The following NRXN3 variants were observed in gnomAD, a reference collection of about 807,000 sequenced individuals.
NRXN3 encodes neurexin 3, also known as neurexin III.
In NRXN3, 32 loss-of-function variants were observed where a neutral mutation model predicts 137.6. The ratio of observed to expected loss-of-function variants is 0.23; its 90% CI spans 0.18 to 0.31. The LOEUF is 0.31. Ranked by LOEUF, NRXN3 falls within the 10% of genes least tolerant of loss-of-function variation. NRXN3 has a pLI of 1.00. For missense variants in NRXN3, 1,574 were observed against 2,062.5 expected (o/e 0.76, Z 4.59); for synonymous variants, 798 against 784.5 (o/e 1.02, Z -0.29).
chr14:78,260,841 A>G (rs955505512), intron 2 of NRXN3, among the ~76,000 whole-genome samples: 2 of 152,208 alleles, frequency 1.3e-5, no homozygotes, highest in Non-Finnish European at 1.5e-5. Flanking sequence ...GCAGCTTAAG[A>G]GTAGACTAAT....
At chr14:78,980,253 A>G (rs990183677) in intron 14 of NRXN3, among the ~76,000 whole-genome samples, 3 of 152,216 alleles carry the variant, frequency 2.0e-5, no homozygotes, top group African/African-American at 7.2e-5. Flanking sequence ...CAAACTTGAT[A>G]TGGCCTCCAG....
At chr14:79,306,697 T>C (rs1032738919) in intron 15 of NRXN3, among the ~76,000 whole-genome samples, 2 of 152,092 alleles carry the variant, frequency 1.3e-5, no homozygotes, top group Non-Finnish European at 2.9e-5. Context: ...CACTCAGCCC[T>C]GACACCTAGT....
chr14:79,390,440 T>C (rs2094808029), intron 15 of NRXN3, among the ~76,000 whole-genome samples: 1 of 152,198 alleles, frequency 6.6e-6, no homozygotes, highest in East Asian at 1.9e-4. Context: ...TTTCTGCTGC[T>C]ACAGTGTAAG....
chr14:78,967,959 A>G (rs1012440976), intron 13 of NRXN3, among the ~76,000 whole-genome samples: 1 of 149,100 alleles, frequency 6.7e-6, no homozygotes, highest in Non-Finnish European at 1.5e-5. Context: ...AATTTTTGAG[A>G]TGGTATATAT....
chr14:79,633,325 T>C (rs1055449991), intron 16 of NRXN3: 1 of 152,166 alleles, frequency 6.6e-6, no homozygotes, highest in Non-Finnish European at 1.5e-5. Flanking sequence ...CAGACTTCCC[T>C]ATGAGCTGTT....
At chr14:78,566,750 T>C (rs2096840187) in intron 4 of NRXN3, among the ~76,000 whole-genome samples, 1 of 152,314 alleles carries the variant, frequency 6.6e-6, no homozygotes, top group Non-Finnish European at 1.5e-5. Flanking sequence ...GTTGCTGCCC[T>C]CTGCTGGGAA....
At chr14:78,895,057 T>G (rs1210623689) in intron 10 of NRXN3, among the ~76,000 whole-genome samples, 4 of 151,750 alleles carry the variant, frequency 2.6e-5, no homozygotes, top group Non-Finnish European at 5.9e-5. Context: ...ATTTTTTGAA[T>G]GGTATATAAG....
At chr14:79,351,839 G>C (rs2093223040) in intron 15 of NRXN3, among the ~76,000 whole-genome samples, 1 of 152,130 alleles carries the variant, frequency 6.6e-6, no homozygotes, top group Non-Finnish European at 1.5e-5. Flanking sequence ...AAAGGCATTG[G>C]TGTCTCACTA....
At chr14:78,429,330 CG>C (rs1345148022) in intron 4 of NRXN3, among the ~76,000 whole-genome samples, 2 of 152,068 alleles carry the variant, frequency 1.3e-5, no homozygotes, top group East Asian at 3.9e-4. Flanking sequence ...CCACCCGCCT[CG>C]GCCTCCCAAA....
At chr14:79,094,650 A>AATATGGG (rs2049899258) in intron 15 of NRXN3, among the ~76,000 whole-genome samples, 1 of 152,152 alleles carries the variant, frequency 6.6e-6, no homozygotes, top group Non-Finnish European at 1.5e-5. Flanking sequence ...CCCTTGAAGG[A>AATATGGG]ATATGGGACT....
rs549312489 is a variant in NRXN3 at position 79,425,681 on chromosome 14, G to A, written c.3263-41540G>A. Among the ~76,000 whole-genome samples the A allele has an allele frequency of 5.3e-5, 8 of 152,256 alleles. No individual in the cohort carries two copies. In the East Asian group the frequency reaches 1.5e-3, roughly 29 times the overall value. ...CAGATGAGCTGCAATACCAACCGAGGTCTTCTGTCTCTCACAATCCAGTTC... is the reference window on the plus strand; with the variant it reads ...CAGATGAGCTGCAATACCAACCGAGATCTTCTGTCTCTCACAATCCAGTTC... On this transcript the variant is annotated intron_variant, in intron 15 of 20. Coordinates refer to ENST00000335750, the MANE Select transcript of NRXN3 (RefSeq NM_001330195.2).
At chr14:79,254,703 C>T (rs930813536) in intron 15 of NRXN3, among the ~76,000 whole-genome samples, 2 of 152,218 alleles carry the variant, frequency 1.3e-5, no homozygotes, top group Admixed American at 6.5e-5. Flanking sequence ...AAAGAAAGAA[C>T]TGCATTAAAA....
intron 1 of NRXN3, among the ~76,000 whole-genome samples, chr14:78,240,512 G>T (rs2066945866): frequency 6.6e-6 from 1 of 152,162 alleles, no homozygotes; most frequent in Non-Finnish European, 1.5e-5. Context: ...TGTGTAAACT[G>T]CATGCCTTTT....
At chr14:79,302,717 T>A (rs1749525050) in intron 15 of NRXN3, among the ~76,000 whole-genome samples, 1 of 151,818 alleles carries the variant, frequency 6.6e-6, no homozygotes, top group African/African-American at 2.4e-5. Flanking sequence ...GTGTGACCCT[T>A]CCCCTCTGTC....
chr14:78,319,461 A>T (rs2079074731), intron 4 of NRXN3, among the ~76,000 whole-genome samples: 1 of 152,168 alleles, frequency 6.6e-6, no homozygotes, highest in South Asian at 2.1e-4. Flanking sequence ...GTAACAAATC[A>T]TCACCATGAG....
chr14:78,315,841 A>G (rs1369719847), intron 4 of NRXN3, among the ~76,000 whole-genome samples: 1 of 140,404 alleles, frequency 7.1e-6, no homozygotes, highest in Non-Finnish European at 1.5e-5. Context: ...TAATAGGAGT[A>G]CATGTTTGAT....
At chr14:78,227,011 G>A (rs1401058601) in intron 1 of NRXN3, among the ~76,000 whole-genome samples, 1 of 152,206 alleles carries the variant, frequency 6.6e-6, no homozygotes, top group African/African-American at 2.4e-5. Flanking sequence ...TCATATGCCT[G>A]TTGCAACTGA....
intron 2 of NRXN3, among the ~76,000 whole-genome samples, chr14:78,278,249 A>G (rs943693527): frequency 4.6e-5 from 7 of 152,080 alleles, no homozygotes; most frequent in Non-Finnish European, 7.4e-5. Flanking sequence ...AGTGTTTGGT[A>G]TCCAAAGACG....
intron 10 of NRXN3, among the ~76,000 whole-genome samples, chr14:78,953,073 A>C (rs572902549): frequency 6.6e-6 from 1 of 152,238 alleles, no homozygotes; most frequent in Admixed American, 6.5e-5. Context: ...GGGAATAAGA[A>C]ATTCATGTAA....
Sources: allele counts gnomAD v4.1 joint callset (sites outside exome capture counted in the v4.1 genomes callset), GRCh38; gene constraint gnomAD v4.1.1; transcripts MANE v1.5; gene names NCBI Gene and HGNC (gene_info 2026-07-23, HGNC 2026-07-21).